The following ARFGAP3 variants were observed in gnomAD, a reference collection of about 807,000 sequenced individuals.
The protein encoded by ARFGAP3 is ARF GTPase activating protein 3.
ARFGAP3 carries 72 observed loss-of-function variants against 75.0 expected under a neutral mutation model. The ratio of observed to expected loss-of-function variants is 0.96; its 90% CI spans 0.79 to 1.17. The LOEUF (loss-of-function observed/expected upper bound fraction) is 1.17, where lower values mean the gene tolerates loss of function less well. Among genes scored for constraint, ARFGAP3 ranks in the 50% most tolerant of loss-of-function variants. The pLI, the probability that ARFGAP3 is intolerant of heterozygous loss-of-function variation, is 0.00. For synonymous variants in ARFGAP3, 221 were observed against 217.9 expected (o/e 1.01, Z -0.13); for missense variants, 620 against 626.6 (o/e 0.99, Z 0.11).
At chr22:42,824,990 CATG>C (rs1386022744) in intron 7 of ARFGAP3, among the ~76,000 whole-genome samples, 3 of 152,230 alleles carry the variant, frequency 2.0e-5, no homozygotes, top group African/African-American at 7.2e-5. Flanking sequence ...GGCCTCCAGC[CATG>C]TTGCTGCAAA....
intron 9 of ARFGAP3, 79 bp from the exon 10 acceptor site, chr22:42,817,936 T>A (rs1322453822): frequency 2.2e-6 from 3 of 1,363,652 alleles, no homozygotes; most frequent in Non-Finnish European, 2.9e-6. Context: ...AAATTAAACA[T>A]GTAATTTATA....
At position 42,802,846 on chromosome 22, in the gene ARFGAP3, C is replaced by T. The variant is rs540397738; in HGVS notation, c.1412-3686G>A. On this transcript the variant is annotated intron_variant, in intron 14 of 15. Coordinates refer to ENST00000263245, the MANE Select transcript of ARFGAP3 (RefSeq NM_014570.5). ...TCGATCTCCTGACCCGTGATCTGCC[C>T]GCCTCGGCCTCCCAAAGTGCTGGGA... Among the ~76,000 whole-genome samples, 25 of 151,904 alleles carry T rather than the reference C, an allele frequency of 1.6e-4. No individual in the cohort carries two copies. The South Asian group carries it at 3.7e-3, about 23-fold the overall frequency.
At chr22:42,848,398 T>C (rs906435997) in intron 1 of ARFGAP3, among the ~76,000 whole-genome samples, 1 of 151,982 alleles carries the variant, frequency 6.6e-6, no homozygotes, top group African/African-American at 2.4e-5. Flanking sequence ...TTAGTAGAGA[T>C]GGGGTTTCAC....
intron 3 of ARFGAP3, among the ~76,000 whole-genome samples, chr22:42,837,298 C>T (rs1926559923): frequency 6.6e-6 from 1 of 151,692 alleles, no homozygotes; most frequent in African/African-American, 2.4e-5. Flanking sequence ...CACGCCTCTA[C>T]AAAAAAACAG....
At position 42,797,188 on chromosome 22, in the gene ARFGAP3, A is replaced by G; in HGVS notation, c.*400T>C. The G allele has an allele frequency of 5.3e-6, 1 of 189,926 alleles. No individual in the cohort carries two copies. The highest frequency in any genetic ancestry group is 1.1e-5 in the Non-Finnish European group (1 of 92,726). 11.8% of individuals were successfully genotyped at this position (189,926 alleles called of 1,614,324 possible). ...TGGTGAGTGTTGTTTCTGCAGGCCC[A>G]TCCAGCATCCGCTGATTCTGGCAGC... On this transcript the variant is annotated 3_prime_UTR_variant, in exon 16 of 16. Coordinates refer to ENST00000263245, the MANE Select transcript of ARFGAP3 (RefSeq NM_014570.5).
At chr22:42,830,781 T>A (rs1300834797) in intron 6 of ARFGAP3, among the ~76,000 whole-genome samples, 1 of 152,238 alleles carries the variant, frequency 6.6e-6, no homozygotes, top group Non-Finnish European at 1.5e-5. Flanking sequence ...TTTTTGATGA[T>A]AAAAGTAACC....
At chr22:42,807,976 C>T (rs1925202894) in intron 13 of ARFGAP3, among the ~76,000 whole-genome samples, 1 of 151,502 alleles carries the variant, frequency 6.6e-6, no homozygotes, top group Admixed American at 6.6e-5. Flanking sequence ...AACTCCTGGC[C>T]TCAAGTGATC....
chr22:42,840,775 G>A (rs989549057), intron 3 of ARFGAP3, among the ~76,000 whole-genome samples, 169 bp downstream of exon 3: 1 of 152,010 alleles, frequency 6.6e-6, no homozygotes, highest in East Asian at 1.9e-4. Flanking sequence ...GCCCAGGGTG[G>A]TCTTGAACTC....
In ARFGAP3 at chr22:42,847,603, G is replaced by A; in HGVS notation, c.99C>T (p.Pro33=). ...CTCCATAGGTTATGCTTGCCCAGCT[G>A]GGATTTTTGGCACCACAATCAAAAC... ...KVCFDCGAKN[P]SWASITYGVF... Residue 33 remains proline (P), a synonymous_variant, in exon 2 of 16, where the codon CCC becomes CCT. Transcript: ENST00000263245. 1.2e-6 allele frequency: 2 copies of A among 1,612,100 alleles called. No individual in the cohort carries two copies. The highest frequency in any genetic ancestry group is 1.1e-5 in the South Asian group (1 of 90,792).
At chr22:42,817,098 TGC>T (rs1182295612) in intron 11 of ARFGAP3, 42 bp downstream of exon 11, 1 of 1,355,772 alleles carries the variant, frequency 7.4e-7, no homozygotes, top group East Asian at 2.3e-5. Flanking sequence ...TACTAGTCAC[TGC>T]TTTTCAAAAT....
chr22:42,799,136 AGCACACTGGACAGGCTGTAGTTCCCT>A lies in ARFGAP3; in HGVS notation c.1412-2_1435del, dbSNP rs747812639. ...CTGCGCCATGTCGGGGGCGTTGGGC[AGCACACTGGACAGGCTGTAGTTCCCT>A]GCACACACACAGCAGACACTGTCTC... On this transcript the variant is annotated splice_acceptor_variant and coding_sequence_variant, in exon 15 of 16. Transcript: ENST00000263245. LOFTEE classifies it high-confidence loss of function. 4.3e-6 allele frequency: 7 copies of A among 1,614,048 alleles called. No individual in the cohort carries two copies. Among genetic ancestry groups the A allele is most frequent in the Non-Finnish European group, 5.9e-6 (7 of 1,180,046 alleles).
intron 1 of ARFGAP3, among the ~76,000 whole-genome samples, chr22:42,849,447 C>A (rs9607966): frequency 0.049 from 7,362 of 151,134 alleles, 289 homozygotes; most frequent in African/African-American, 0.11. Context: ...GGGGTAGAAT[C>A]TTTCCCTTTT....
At chr22:42,807,509 A>G (rs1718754269) in intron 13 of ARFGAP3, among the ~76,000 whole-genome samples, 1 of 152,214 alleles carries the variant, frequency 6.6e-6, no homozygotes, top group African/African-American at 2.4e-5. Flanking sequence ...TCCAAGCCCC[A>G]TGACACTATT....
At chr22:42,822,709 T>C (rs1925865677) in intron 8 of ARFGAP3, among the ~76,000 whole-genome samples, 1 of 152,252 alleles carries the variant, frequency 6.6e-6, no homozygotes, top group Non-Finnish European at 1.5e-5. Flanking sequence ...CAATCATCTC[T>C]AGATTACTTA....
chr22:42,826,970 C>T lies in ARFGAP3; in HGVS notation c.595G>A (p.Gly199Ser), dbSNP rs778978748. ...GGQEQGPSVE[G>S]LNVPTKATLE... ...GTAGCCTTTGTTGGTACATTAAGAC[C>T]TTCCACACTTGGTCCTTGCTCTTGT... The change falls in exon 7 of 16, where the codon GGT (glycine) becomes AGT (serine). Residue 199 changes from glycine (G) to serine (S), a missense_variant. Coordinates refer to ENST00000263245, the MANE Select transcript of ARFGAP3 (RefSeq NM_014570.5). The T allele has an allele frequency of 2.5e-6, 4 of 1,613,528 alleles. No homozygotes were observed. The highest frequency in any genetic ancestry group is 3.4e-6 in the Non-Finnish European group (4 of 1,179,826).
rs773825354 is a variant in ARFGAP3 at position 42,847,567 on chromosome 22, G to C, written c.135C>G (p.Cys45Trp). The change falls in exon 2 of 16, where the codon TGC becomes TGG. Residue 45 changes from cysteine (C) to tryptophan (W), a missense_variant. Cys to Trp is a radical substitution (Grantham distance 215). Coordinates refer to ENST00000263245, the MANE Select transcript of ARFGAP3 (RefSeq NM_014570.5). ...ACCGGTGGGACCCTGAGCAATCAATGCAAAGGAACACTCCATAGGTTATGC... is the reference window on the plus strand; with the variant it reads ...ACCGGTGGGACCCTGAGCAATCAATCCAAAGGAACACTCCATAGGTTATGC... ...WASITYGVFLCIDCSGSHRSL... is the reference protein window; with the variant it reads ...WASITYGVFLWIDCSGSHRSL... 6.2e-7 allele frequency: 1 copy of C among 1,613,770 alleles called. No individual in the cohort carries two copies. The highest frequency in any genetic ancestry group is 8.5e-7 in the Non-Finnish European group (1 of 1,179,870).
rs185595740 is a variant in ARFGAP3, at chr22:42,835,693, C to T, written c.262-200G>A. Reference sequence around the variant, plus strand: ...AAAATTAGCCAGGCGTGGTGGCGGGCGCCTGTAATCCCAGCTACTTGGGAG... The same window carrying T: ...AAAATTAGCCAGGCGTGGTGGCGGGTGCCTGTAATCCCAGCTACTTGGGAG... On this transcript the variant is annotated intron_variant, in intron 3 of 15. Coordinates refer to ENST00000263245, the MANE Select transcript of ARFGAP3 (RefSeq NM_014570.5). 1,631 of 187,924 alleles carry T rather than the reference C, an allele frequency of 8.7e-3. 29 individuals carry two copies. Among genetic ancestry groups the T allele is most frequent in the African/African-American group, 0.036 (1,530 of 42,048 alleles). 11.6% of individuals were successfully genotyped at this position (187,924 alleles called of 1,614,324 possible).
In ARFGAP3 at chr22:42,810,066, C is replaced by G. The variant is rs535148654; in HGVS notation, c.1196+747G>C. On this transcript the variant is annotated intron_variant, in intron 12 of 15. Transcript: ENST00000263245. ...GTGAAACCTTCCTGACCTAGGCCAC[C>G]CCTGACCCATGGATCAGAATCTTCA... is the stretch of plus-strand genomic sequence containing the variant. Among the ~76,000 whole-genome samples the G allele has an allele frequency of 7.9e-5, 12 of 151,982 alleles. No individual in the cohort carries two copies. The South Asian group carries it at 2.1e-3, about 26-fold the overall frequency.
At chr22:42,833,038 A>G (rs1926366550) in intron 5 of ARFGAP3, among the ~76,000 whole-genome samples, 1 of 152,062 alleles carries the variant, frequency 6.6e-6, no homozygotes, top group Non-Finnish European at 1.5e-5. Flanking sequence ...CAAATAGTAA[A>G]TATTGTCGCC....
Sources: allele counts gnomAD v4.1 joint callset (sites outside exome capture counted in the v4.1 genomes callset), GRCh38; gene constraint gnomAD v4.1.1; transcripts MANE v1.5; gene names NCBI Gene and HGNC (gene_info 2026-07-23, HGNC 2026-07-21).